The following SFXN5 variants were observed in gnomAD, a reference collection of about 807,000 sequenced individuals.
SFXN5 encodes the protein sideroflexin 5.
A neutral mutation model predicts 50.2 loss-of-function variants in SFXN5; 43 were observed. The observed-to-expected ratio is 0.86, with a 90% CI of 0.67 to 1.11. The LOEUF is 1.11. Ranked by LOEUF, SFXN5 falls within the 50% of genes least tolerant of loss-of-function variation. SFXN5 has a pLI of 0.00. For synonymous variants in SFXN5, 203 were observed against 185.8 expected, an observed-to-expected ratio of 1.09 and a Z score of -0.75; for missense variants, 463 against 454.1, an observed-to-expected ratio of 1.02 and a Z score of -0.18.
Position 72,953,739 on chromosome 2 carries a change from C to G in SFXN5, c.945+7392G>C, listed in dbSNP as rs1439692846. On this transcript the variant is annotated intron_variant, in intron 13 of 13. Coordinates refer to ENST00000272433, the MANE Select transcript of SFXN5 (RefSeq NM_144579.3). The surrounding 1 kb of genome is among the most constrained non-coding windows in gnomAD (Gnocchi z 4.1). ...CCTGGAGGAGGAGCCATTTCTAGAC[C>G]AGCTTGAATGTGGACTCACATTCCA... Among the ~76,000 whole-genome samples, 1 of 152,192 alleles carries G rather than the reference C, an allele frequency of 6.6e-6. No homozygotes were observed. Among genetic ancestry groups the G allele is most frequent in the East Asian group, 1.9e-4 (1 of 5,192 alleles).
intron 1 of SFXN5, 58 bp from the exon 2 acceptor site, chr2:73,058,654 A>T: frequency 4.0e-6 from 6 of 1,516,154 alleles, no homozygotes; most frequent in Non-Finnish European, 5.5e-6. Flanking sequence ...ACCCTTCTCC[A>T]GACACTGGAG....
At chr2:72,955,518 CAAAG>C (rs900474721) in intron 13 of SFXN5, among the ~76,000 whole-genome samples, 2 of 152,158 alleles carry the variant, frequency 1.3e-5, no homozygotes, top group African/African-American at 4.8e-5. Flanking sequence ...GAAAGAGGCA[CAAAG>C]AAAGATTGAA....
chr2:72,955,986 T>A (rs1277753061), intron 13 of SFXN5, among the ~76,000 whole-genome samples: 1 of 152,236 alleles, frequency 6.6e-6, no homozygotes, highest in African/African-American at 2.4e-5. Context: ...ACAGTTCTTG[T>A]TTATTGAGTT....
At position 72,944,978 on chromosome 2, in the gene SFXN5, C is replaced by T. The variant is rs756774267; in HGVS notation, c.*44G>A. On this transcript the variant is annotated 3_prime_UTR_variant, in exon 14 of 14. Coordinates refer to ENST00000272433, the MANE Select transcript of SFXN5 (RefSeq NM_144579.3). The stretch of plus-strand genomic sequence containing the variant: ...GTGAGTCTACGGCCCTGCCCCTCAG[C>T]TCCCCGGCTGCACAGTGCTCCGTCC... 6.3e-7 allele frequency: 1 copy of T among 1,587,278 alleles called. No individual in the cohort carries two copies. Among genetic ancestry groups the T allele is most frequent in the East Asian group, 2.2e-5 (1 of 44,482 alleles).
At chr2:73,022,165 GA>G (rs1295708528) in intron 5 of SFXN5, among the ~76,000 whole-genome samples, 1 of 152,238 alleles carries the variant, frequency 6.6e-6, no homozygotes, top group Non-Finnish European at 1.5e-5. Flanking sequence ...ACACCGGTGA[GA>G]GGGGGAATGA....
chr2:73,027,965 T>A (rs1167629976), intron 3 of SFXN5, among the ~76,000 whole-genome samples: 1 of 152,182 alleles, frequency 6.6e-6, no homozygotes, highest in Non-Finnish European at 1.5e-5. Flanking sequence ...CCTGGCCCCA[T>A]CTTTTTAATC....
chr2:72,966,168 A>G (rs1422127086), intron 12 of SFXN5, among the ~76,000 whole-genome samples: 2 of 152,212 alleles, frequency 1.3e-5, no homozygotes, highest in African/African-American at 4.8e-5. Context: ...ATGGGGCACC[A>G]GCTTGCCTTG....
chr2:72,999,269 G>T (rs949589023), intron 8 of SFXN5, among the ~76,000 whole-genome samples: 1 of 152,186 alleles, frequency 6.6e-6, no homozygotes, highest in Admixed American at 6.5e-5. Flanking sequence ...AAGGTCACTG[G>T]CAGACAGTGC....
At position 72,999,005 on chromosome 2, in the gene SFXN5, C is replaced by A; in HGVS notation, c.478G>T (p.Ala160Ser). ...ANRNATKPSP[A>S]SKFIQGYLGA... is the part of the protein sequence containing the mutation. ...AGGTATCCCTGGATGAACTTGGATG[C>A]AGGTGAAGGCTGGAAAACAGAGGCA... The change falls in exon 9 of 14, where the codon GCA (alanine) becomes TCA (serine). Residue 160 changes from alanine (A) to serine (S), a missense_variant. Ala to Ser is a moderately conservative substitution (Grantham distance 99). Transcript: ENST00000272433. 3.7e-6 allele frequency: 6 copies of A among 1,614,124 alleles called. No homozygotes were observed. Among genetic ancestry groups the A allele is most frequent in the Non-Finnish European group, 5.1e-6 (6 of 1,179,996 alleles).
intron 3 of SFXN5, among the ~76,000 whole-genome samples, chr2:73,037,250 C>G (rs1432574428): frequency 6.6e-6 from 1 of 152,184 alleles, no homozygotes; most frequent in East Asian, 1.9e-4. Flanking sequence ...GGGAGGGTCA[C>G]CCCTTCCACG....
chr2:72,985,341 C>G (rs1205117418), intron 10 of SFXN5, among the ~76,000 whole-genome samples: 1 of 152,096 alleles, frequency 6.6e-6, no homozygotes, highest in Non-Finnish European at 1.5e-5. Context: ...CCTGGTGCAG[C>G]TTAGGGATAC....
chr2:73,022,476 T>G, intron 5 of SFXN5, 46 bp downstream of exon 5: 1 of 1,472,620 alleles, frequency 6.8e-7, no homozygotes, highest in Non-Finnish European at 9.5e-7. Flanking sequence ...GTGACTGGAG[T>G]AAGCACCCCA....
rs1205718977 is a variant in SFXN5, at chr2:72,973,998, C to T, written c.626-2313G>A. ...AGTTACAGGAATGTGGTCCAGGAGACGAGCATCCTGCTAAAGTCAGGAGCT... is the reference window on the plus strand; with the variant it reads ...AGTTACAGGAATGTGGTCCAGGAGATGAGCATCCTGCTAAAGTCAGGAGCT... On this transcript the variant is annotated intron_variant, in intron 10 of 13. Coordinates refer to ENST00000272433, the MANE Select transcript of SFXN5 (RefSeq NM_144579.3). The surrounding 1 kb of genome is among the most constrained non-coding windows in gnomAD (Gnocchi z 5.5). Among the ~76,000 whole-genome samples, 3 of 152,190 alleles carry T rather than the reference C, an allele frequency of 2.0e-5. No homozygotes were observed. The highest frequency in any genetic ancestry group is 4.1e-4 in the South Asian group (2 of 4,832).
intron 9 of SFXN5, among the ~76,000 whole-genome samples, chr2:72,991,936 A>G (rs534350398): frequency 1.3e-5 from 2 of 152,354 alleles, no homozygotes; most frequent in Admixed American, 1.3e-4. Flanking sequence ...ACAGCATCCA[A>G]ATAAGCCACA....
chr2:73,047,249 T>TATATATATATACACAC (rs1680522484), intron 2 of SFXN5, among the ~76,000 whole-genome samples: 2 of 19,322 alleles, frequency 1.0e-4, no homozygotes, highest in Non-Finnish European at 2.3e-4. Flanking sequence ...AAAAAAAATA[T>TATATATATATACACAC]ATATATATAT....
At chr2:72,963,261 A>C (rs1490506338) in intron 12 of SFXN5, among the ~76,000 whole-genome samples, 2 of 152,174 alleles carry the variant, frequency 1.3e-5, no homozygotes, top group African/African-American at 4.8e-5. Flanking sequence ...TGAGAAAAAG[A>C]AAGAGAGACG....
In SFXN5 at chr2:72,999,081, C is replaced by T. The variant is rs570135776; in HGVS notation, c.469-67G>A. ...AAGCTCCCATACTTCCCCTTGTAAGCTGTCCCAGCCAGCAAGAAGCATCCT... is the reference window on the plus strand; with the variant it reads ...AAGCTCCCATACTTCCCCTTGTAAGTTGTCCCAGCCAGCAAGAAGCATCCT... On this transcript the variant is annotated intron_variant, in intron 8 of 13. Transcript: ENST00000272433. 16 of 1,540,098 alleles carry T rather than the reference C, an allele frequency of 1.0e-5. No individual in the cohort carries two copies. In the African/African-American group the frequency reaches 1.8e-4, roughly 17 times the overall value.
At chr2:72,997,076 G>A (rs1285610555) in intron 9 of SFXN5, 2 of 152,220 alleles carry the variant, frequency 1.3e-5, no homozygotes, top group African/African-American at 4.8e-5. Flanking sequence ...GACAAGCTGG[G>A]TGGCAGGTCA....
chr2:73,046,092 A>T (rs923780411), intron 2 of SFXN5, among the ~76,000 whole-genome samples: 5 of 149,896 alleles, frequency 3.3e-5, no homozygotes, highest in African/African-American at 1.3e-4. Flanking sequence ...TTTACTCTAA[A>T]AAGTAAACTT....
Sources: allele counts gnomAD v4.1 joint callset (sites outside exome capture counted in the v4.1 genomes callset), GRCh38; gene constraint gnomAD v4.1.1; non-coding constraint Gnocchi (gnomAD v3.1); transcripts MANE v1.5; gene names NCBI Gene and HGNC (gene_info 2026-07-23, HGNC 2026-07-21).